The following TNR variants were observed in gnomAD, a reference collection of about 807,000 sequenced individuals.
TNR encodes the protein tenascin-R.
Under a neutral mutation model 150.4 loss-of-function variants are expected in TNR, and 45 were observed. That is an observed-to-expected ratio of 0.30 (90% CI 0.24 to 0.38). TNR has a LOEUF of 0.38. Ranked by LOEUF, TNR falls within the 10% of genes least tolerant of loss-of-function variation. The pLI, the probability that TNR is intolerant of heterozygous loss-of-function variation, is 1.00. For missense variants in TNR, 1,544 were observed against 1,759.1 expected (o/e 0.88, Z 2.19); for synonymous variants, 687 against 678.4 (o/e 1.01, Z -0.20).
intron 1 of TNR, among the ~76,000 whole-genome samples, chr1:175,561,503 T>C (rs1189219264): frequency 1.3e-5 from 2 of 152,236 alleles, no homozygotes. Context: ...AAGGAAATCA[T>C]GAATTAATGG....
intron 2 of TNR, among the ~76,000 whole-genome samples, chr1:175,493,359 G>T (rs911749443): frequency 6.6e-6 from 1 of 152,192 alleles, no homozygotes; most frequent in Non-Finnish European, 1.5e-5. Context: ...CTCATCTTTT[G>T]GGAGAGAGAC....
At chr1:175,608,064 C>A (rs542837026) in intron 1 of TNR, among the ~76,000 whole-genome samples, 1 of 152,312 alleles carries the variant, frequency 6.6e-6, no homozygotes, top group South Asian at 2.1e-4. Context: ...ACAAGTTCTC[C>A]CCTAGATTGC....
At position 175,320,021 on chromosome 1, in the gene TNR, G is replaced by A. The variant is rs1648956861; in HGVS notation, c.*3336C>T. On this transcript the variant is annotated 3_prime_UTR_variant, in exon 23 of 23. Coordinates refer to ENST00000367674, the MANE Select transcript of TNR (RefSeq NM_003285.3). ...GAAATGCAAAAAAGGGAAACTGCCT[G>A]GACCTTGGGTCTAGACAGTGAATCT... 6.6e-6 allele frequency: 1 copy of A among 152,294 alleles called. No individual in the cohort carries two copies. Among genetic ancestry groups the A allele is most frequent in the South Asian group, 2.1e-4 (1 of 4,832 alleles). 9.4% of individuals were successfully genotyped at this position (152,294 alleles called of 1,614,324 possible).
chr1:175,650,814 C>T (rs1252901286), intron 1 of TNR, among the ~76,000 whole-genome samples: 10,129 of 122,584 alleles, frequency 0.083, 77 homozygotes, highest in Middle Eastern at 0.14. Context: ...ACTACCTGTC[C>T]CCCACCTCCT....
intron 2 of TNR, among the ~76,000 whole-genome samples, chr1:175,418,516 G>T (rs1654608191): frequency 1.3e-5 from 2 of 152,226 alleles, no homozygotes; most frequent in African/African-American, 2.4e-5. Context: ...GAGGTCAGGA[G>T]ATTGAGACCA....
chr1:175,480,389 G>GAAAGAAAGAAAGAAC (rs1557959628), intron 2 of TNR, among the ~76,000 whole-genome samples: 4 of 85,312 alleles, frequency 4.7e-5, no homozygotes, highest in Non-Finnish European at 1.1e-4. Context: ...GGAAAGAGAA[G>GAAAGAAAGAAAGAAC]AAAGAAAGAA....
chr1:175,430,679 C>G (rs1446181250), intron 2 of TNR, among the ~76,000 whole-genome samples: 1 of 152,166 alleles, frequency 6.6e-6, no homozygotes, highest in Non-Finnish European at 1.5e-5. Context: ...ACTGTAGAAC[C>G]TTCCTCCTTC....
chr1:175,446,267 C>T (rs1206114920), intron 2 of TNR, among the ~76,000 whole-genome samples: 1 of 152,238 alleles, frequency 6.6e-6, no homozygotes, highest in Non-Finnish European at 1.5e-5. Context: ...GGAACTGCTG[C>T]ATCAGAACCA....
At chr1:175,587,584 T>C (rs1002405617) in intron 1 of TNR, among the ~76,000 whole-genome samples, 2 of 152,188 alleles carry the variant, frequency 1.3e-5, no homozygotes, top group Non-Finnish European at 2.9e-5. Flanking sequence ...CAATAAATCA[T>C]TGGCCAGTCA....
chr1:175,652,670 T>C (rs999617047), intron 1 of TNR, among the ~76,000 whole-genome samples: 4 of 152,142 alleles, frequency 2.6e-5, no homozygotes, highest in African/African-American at 9.7e-5. Context: ...TGCTCTGCCA[T>C]GGTAAGACGT....
chr1:175,554,188 C>G (rs578206257), intron 1 of TNR, among the ~76,000 whole-genome samples: 8 of 152,284 alleles, frequency 5.3e-5, no homozygotes, highest in Non-Finnish European at 1.5e-5. Context: ...CAGACAAAAT[C>G]TAATGCTGTA....
intron 1 of TNR, among the ~76,000 whole-genome samples, chr1:175,564,462 TCAG>T (rs1361607506): frequency 2.0e-5 from 3 of 152,232 alleles, no homozygotes; most frequent in Non-Finnish European, 4.4e-5. Flanking sequence ...ATCCACTTAA[TCAG>T]TAAATTACAT....
chr1:175,719,808 C>T (rs1393451555), intron 1 of TNR, among the ~76,000 whole-genome samples: 1 of 152,170 alleles, frequency 6.6e-6, no homozygotes. Context: ...ACTTCTAATA[C>T]CCTCCCCATT....
chr1:175,479,364 C>G (rs1048962756), intron 2 of TNR, among the ~76,000 whole-genome samples: 4 of 152,110 alleles, frequency 2.6e-5, no homozygotes, highest in Admixed American at 1.3e-4. Context: ...AGTTTCCCCC[C>G]ACCAACAATG....
intron 2 of TNR, among the ~76,000 whole-genome samples, chr1:175,424,298 T>C (rs1323643635): frequency 6.6e-6 from 1 of 152,182 alleles, no homozygotes; most frequent in Non-Finnish European, 1.5e-5. Context: ...GGCTGCATTG[T>C]CAAGCAAGTC....
intron 1 of TNR, among the ~76,000 whole-genome samples, chr1:175,541,614 T>A (rs892374945): frequency 9.9e-5 from 15 of 152,104 alleles, no homozygotes; most frequent in Non-Finnish European, 1.3e-4. Flanking sequence ...AGAGAACCAT[T>A]ACTGAATCTG....
Position 175,599,921 on chromosome 1 carries a change from C to T in TNR, c.-164-71552G>A, listed in dbSNP as rs112314455. ...GCTGAGGCAGGCAAGAGACTGGGGCCGGTTCTACAGGAGGGAGGAAAAGAG... is the reference window on the plus strand; with the variant it reads ...GCTGAGGCAGGCAAGAGACTGGGGCTGGTTCTACAGGAGGGAGGAAAAGAG... On this transcript the variant is annotated intron_variant, in intron 1 of 22. Coordinates refer to ENST00000367674, the MANE Select transcript of TNR (RefSeq NM_003285.3). The surrounding 1 kb of genome is among the most constrained non-coding windows in gnomAD (Gnocchi z 4.7). Among the ~76,000 whole-genome samples, 1,019 of 152,250 alleles carry T rather than the reference C, an allele frequency of 6.7e-3. 5 individuals are homozygous for T. The highest frequency in any genetic ancestry group is 0.023 in the African/African-American group (962 of 41,540).
chr1:175,606,075 A>C (rs539924571), intron 1 of TNR, among the ~76,000 whole-genome samples: 2 of 152,330 alleles, frequency 1.3e-5, no homozygotes, highest in South Asian at 4.1e-4. Flanking sequence ...ACAATAATTT[A>C]TTTGATGTAG....
chr1:175,666,694 TG>T (rs1665542011), intron 1 of TNR, among the ~76,000 whole-genome samples: 1 of 152,242 alleles, frequency 6.6e-6, no homozygotes, highest in African/African-American at 2.4e-5. Flanking sequence ...AAACCTATTC[TG>T]GATGCTTCAG....
Sources: allele counts gnomAD v4.1 joint callset (sites outside exome capture counted in the v4.1 genomes callset), GRCh38; gene constraint gnomAD v4.1.1; non-coding constraint Gnocchi (gnomAD v3.1); transcripts MANE v1.5; gene names NCBI Gene and HGNC (gene_info 2026-07-23, HGNC 2026-07-21).